Variants in MSI2 observed in about 807,000 individuals in gnomAD.
MSI2 encodes the protein musashi RNA binding protein 2.
A neutral mutation model predicts 45.6 loss-of-function variants in MSI2; 17 were observed. The ratio of observed to expected loss-of-function variants is 0.37; its 90% CI spans 0.26 to 0.56. The LOEUF is 0.56. Ranked by LOEUF, MSI2 falls within the 20% of genes least tolerant of loss-of-function variation. MSI2 has a pLI of 0.77. For missense variants in MSI2, 293 were observed against 444.2 expected (o/e 0.66, Z 3.06); for synonymous variants, 156 against 158.2 (o/e 0.99, Z 0.11).
chr17:57,315,514 A>C (rs1430942119), intron 5 of MSI2, among the ~76,000 whole-genome samples: 1 of 152,062 alleles, frequency 6.6e-6, no homozygotes, highest in Non-Finnish European at 1.5e-5. Context: ...GAAATGGTAC[A>C]TTCTTATTTC....
At chr17:57,504,344 A>G (rs1320291942) in intron 6 of MSI2, among the ~76,000 whole-genome samples, 1 of 152,174 alleles carries the variant, frequency 6.6e-6, no homozygotes, top group Non-Finnish European at 1.5e-5. Context: ...TGGAACACAG[A>G]CAAAGTCATG....
At chr17:57,564,848 C>T (rs1178275689) in intron 7 of MSI2, among the ~76,000 whole-genome samples, 4 of 152,214 alleles carry the variant, frequency 2.6e-5, no homozygotes, top group African/African-American at 7.2e-5. Flanking sequence ...TACTCACTGG[C>T]ACTTACATAC....
At chr17:57,455,730 T>C (rs1160259812) in intron 6 of MSI2, among the ~76,000 whole-genome samples, 3 of 152,154 alleles carry the variant, frequency 2.0e-5, no homozygotes, top group Non-Finnish European at 4.4e-5. Context: ...TTTTGAATTG[T>C]TGGCCTCCTG....
intron 13 of MSI2, among the ~76,000 whole-genome samples, chr17:57,678,676 G>T (rs1913412062): frequency 6.6e-6 from 1 of 152,158 alleles, no homozygotes; most frequent in Non-Finnish European, 1.5e-5. Flanking sequence ...TAGGGGTGGG[G>T]TGGGGTGGAA....
chr17:57,277,578 T>G (rs1908986316), intron 5 of MSI2, among the ~76,000 whole-genome samples: 1 of 152,190 alleles, frequency 6.6e-6, no homozygotes, highest in African/African-American at 2.4e-5. Flanking sequence ...TGGGAAGCAG[T>G]GCTGATTAGG....
intron 6 of MSI2, among the ~76,000 whole-genome samples, chr17:57,472,683 C>T (rs1035917048): frequency 3.3e-5 from 5 of 152,152 alleles, no homozygotes; most frequent in Admixed American, 3.3e-4. Context: ...ATAATAATAG[C>T]TGTTGTTATT....
intron 7 of MSI2, among the ~76,000 whole-genome samples, chr17:57,571,447 C>T (rs970922479): frequency 2.0e-5 from 3 of 152,312 alleles, no homozygotes; most frequent in African/African-American, 7.2e-5. Context: ...CCCCGCTCCT[C>T]CCAGGAGATG....
Position 57,615,124 on chromosome 17 carries a change from A to ATT in MSI2, c.538-826_538-825dup, listed in dbSNP as rs35618682. On this transcript the variant is annotated intron_variant, in intron 8 of 13. Transcript: ENST00000284073. ...AGGGCTTTCAGCATGTTGCACAAGAATTTTTTTTTTTTTTTTTTTTTAAGA... is the reference window on the plus strand; with the variant it reads ...AGGGCTTTCAGCATGTTGCACAAGAATTTTTTTTTTTTTTTTTTTTTTTAAGA... Among the ~76,000 whole-genome samples, 587 of 132,600 alleles carry ATT rather than the reference A, an allele frequency of 4.4e-3. 1 individual carries two copies. Among genetic ancestry groups the ATT allele is most frequent in the Non-Finnish European group, 6.8e-3 (426 of 62,930 alleles). 87.0% of individuals were successfully genotyped at this position (132,600 alleles called of 152,430 possible).
intron 6 of MSI2, among the ~76,000 whole-genome samples, chr17:57,520,060 T>A (rs2086552522): frequency 1.3e-5 from 2 of 152,086 alleles, no homozygotes; most frequent in Non-Finnish European, 2.9e-5. Flanking sequence ...TTTTAAATTT[T>A]AAAAAGAGAA....
At chr17:57,270,156 A>G (rs1402805012) in intron 5 of MSI2, among the ~76,000 whole-genome samples, 1 of 152,202 alleles carries the variant, frequency 6.6e-6, no homozygotes. Context: ...GAAAAATCCT[A>G]ATTCAGAATA....
chr17:57,677,093 C>T (rs1009615678), intron 13 of MSI2, 34 bp downstream of exon 13: 20 of 1,452,712 alleles, frequency 1.4e-5, no homozygotes, highest in Non-Finnish European at 1.9e-5. Flanking sequence ...CTCTGCCCTG[C>T]CGGTGTGTCC....
rs570316904 is a variant in MSI2, at chr17:57,483,128, G to A, written c.406-46548G>A. Among the ~76,000 whole-genome samples, 21 of 152,270 alleles carry A rather than the reference G, an allele frequency of 1.4e-4. No homozygotes were observed. The South Asian group carries it at 3.9e-3, about 29-fold the overall frequency. On this transcript the variant is annotated intron_variant, in intron 6 of 13. Coordinates refer to ENST00000284073, the MANE Select transcript of MSI2 (RefSeq NM_138962.4). ...AATATACTAATGATAATAAGTATTA[G>A]TGTTGTATTAGGAGGTAGATGCTAT...
intron 7 of MSI2, among the ~76,000 whole-genome samples, chr17:57,563,637 G>A (rs994414594): frequency 6.6e-5 from 10 of 151,822 alleles, no homozygotes; most frequent in Non-Finnish European, 1.0e-4. Context: ...GTGGACTCTC[G>A]CCTTCCAGCA....
intron 10 of MSI2, among the ~76,000 whole-genome samples, chr17:57,638,692 C>T (rs1910021260): frequency 6.6e-6 from 1 of 152,084 alleles, no homozygotes; most frequent in Non-Finnish European, 1.5e-5. Context: ...GAGTTTGAGA[C>T]CAGCCTGGGC....
At chr17:57,333,762 G>GTAT (rs1230200567) in intron 5 of MSI2, among the ~76,000 whole-genome samples, 3 of 149,124 alleles carry the variant, frequency 2.0e-5, no homozygotes, top group Admixed American at 6.7e-5. Context: ...CCTTTTAAAC[G>GTAT]TATTATTATT....
chr17:57,327,534 G>A (rs1913899519), intron 5 of MSI2, among the ~76,000 whole-genome samples: 1 of 152,206 alleles, frequency 6.6e-6, no homozygotes, highest in Non-Finnish European at 1.5e-5. Flanking sequence ...CAAACTTTTA[G>A]AACACAAGAA....
At chr17:57,653,315 G>A (rs1022799850) in intron 11 of MSI2, among the ~76,000 whole-genome samples, 1 of 152,174 alleles carries the variant, frequency 6.6e-6, no homozygotes, top group Admixed American at 6.5e-5. Flanking sequence ...TTTGTTTGGA[G>A]GGGGCTAGGG....
chr17:57,555,542 A>G (rs141809134), intron 7 of MSI2, among the ~76,000 whole-genome samples: 30 of 151,852 alleles, frequency 2.0e-4, no homozygotes, highest in African/African-American at 6.3e-4. Context: ...ATTAACCCCT[A>G]CCCACCTTTC....
the MSI2 span, among the ~76,000 whole-genome samples, chr17:57,694,467 A>G: frequency 6.6e-6 from 1 of 152,086 alleles, no homozygotes; most frequent in African/African-American, 2.4e-5. Flanking sequence ...CTGGTCCCAG[A>G]TGGTTTCCTT....
Sources: gnomAD v4.1 joint callset for allele counts (sites outside exome capture counted in the v4.1 genomes callset) on GRCh38, gnomAD v4.1.1 for gene constraint, MANE v1.5 for transcripts, NCBI Gene and HGNC (gene_info 2026-07-23, HGNC 2026-07-21) for gene names.